The following ZFHX3 variants were observed in gnomAD, a reference collection of about 807,000 sequenced individuals.
The protein encoded by ZFHX3 is zinc finger homeobox protein 3.
In ZFHX3, 42 loss-of-function variants were observed where a neutral mutation model predicts 279.1. That is an observed-to-expected ratio of 0.15 (90% CI 0.12 to 0.19). The LOEUF (loss-of-function observed/expected upper bound fraction) is 0.19, where lower values mean the gene tolerates loss of function less well. ZFHX3 is among the 10% of genes least tolerant of loss of function. The pLI is 1.00. For missense variants in ZFHX3, 4,981 were observed against 4,754.0 expected (o/e 1.05, Z -1.40); for synonymous variants, 2,293 against 1,957.8 (o/e 1.17, Z -4.52).
chr16:73,666,063 A>T (rs2052839357), intron 2 of ZFHX3, among the ~76,000 whole-genome samples: 1 of 151,456 alleles, frequency 6.6e-6, no homozygotes, highest in Non-Finnish European at 1.5e-5. Context: ...CGATCCACCC[A>T]CCTCAGCCTC....
chr16:73,838,266 T>C (rs1961198512), intron 1 of ZFHX3, among the ~76,000 whole-genome samples: 2 of 152,200 alleles, frequency 1.3e-5, no homozygotes, highest in African/African-American at 4.8e-5. Context: ...GTAGCCAACA[T>C]ATACCTTAAC....
chr16:73,580,346 C>T (rs1022669607), intron 2 of ZFHX3, among the ~76,000 whole-genome samples: 12 of 151,872 alleles, frequency 7.9e-5, no homozygotes, highest in Admixed American at 2.6e-4. Flanking sequence ...GGTGCGGCGG[C>T]GCACGCCTGT....
At chr16:73,350,966 C>T (rs947328222) in intron 3 of ZFHX3, among the ~76,000 whole-genome samples, 8 of 152,176 alleles carry the variant, frequency 5.3e-5, no homozygotes, top group Non-Finnish European at 7.3e-5. Context: ...ACCCATGCAC[C>T]GGTCCAACCA....
At chr16:73,537,538 G>C (rs2019926819) in intron 2 of ZFHX3, among the ~76,000 whole-genome samples, 1 of 152,026 alleles carries the variant, frequency 6.6e-6, no homozygotes, top group African/African-American at 2.4e-5. Context: ...GGATGGTCTT[G>C]ATCTTCTGAC....
intron 3 of ZFHX3, among the ~76,000 whole-genome samples, chr16:73,343,272 G>T (rs996888167): frequency 6.6e-6 from 1 of 151,358 alleles, no homozygotes; most frequent in Non-Finnish European, 1.5e-5. Context: ...AAAGAGTCTT[G>T]AATTAATGAT....
intron 1 of ZFHX3, among the ~76,000 whole-genome samples, chr16:73,835,487 T>TTTTTGGTGGG (rs1961120111): frequency 7.0e-6 from 1 of 143,202 alleles, no homozygotes; most frequent in Non-Finnish European, 1.5e-5. Context: ...TTTTTTTTTT[T>TTTTTGGTGGG]GAGATGGAGT....
chr16:73,791,951 T>C (rs1185683620), intron 1 of ZFHX3, among the ~76,000 whole-genome samples: 3 of 152,192 alleles, frequency 2.0e-5, no homozygotes, highest in Non-Finnish European at 4.4e-5. Context: ...TGATTCGTAG[T>C]TTACAGATGG....
intron 1 of ZFHX3, among the ~76,000 whole-genome samples, chr16:73,752,471 C>G (rs1176781310): frequency 1.3e-5 from 2 of 152,140 alleles, no homozygotes; most frequent in African/African-American, 2.4e-5. Context: ...CATACTCTGT[C>G]TCTGTTTACT....
chr16:73,733,730 T>C (rs905124323), intron 1 of ZFHX3, among the ~76,000 whole-genome samples: 6 of 152,176 alleles, frequency 3.9e-5, no homozygotes, highest in Non-Finnish European at 8.8e-5. Context: ...AAAGCTTTAA[T>C]TAAGTCCTCA....
chr16:73,245,300 C>T (rs1489118654), intron 5 of ZFHX3, among the ~76,000 whole-genome samples: 3 of 152,128 alleles, frequency 2.0e-5, no homozygotes, highest in Non-Finnish European at 2.9e-5. Flanking sequence ...AATACAGTCT[C>T]GCTCTGTCAC....
At chr16:72,924,115 G>T (rs1002269269) in intron 3 of ZFHX3, among the ~76,000 whole-genome samples, 1 of 152,156 alleles carries the variant, frequency 6.6e-6, no homozygotes, top group Non-Finnish European at 1.5e-5. Context: ...ATCAAGGAGA[G>T]GCTCACATTT....
At chr16:72,993,520 T>C (rs1414304166) in intron 1 of ZFHX3, among the ~76,000 whole-genome samples, 1 of 152,052 alleles carries the variant, frequency 6.6e-6, no homozygotes, top group African/African-American at 2.4e-5. Context: ...TACCTAAAAC[T>C]GCACAAAAAA....
chr16:72,979,718 A>G (rs1304231891), intron 1 of ZFHX3, among the ~76,000 whole-genome samples: 1 of 152,220 alleles, frequency 6.6e-6, no homozygotes, highest in Non-Finnish European at 1.5e-5. Context: ...ACAATATACA[A>G]TACAACATCA....
chr16:73,246,512 G>C (rs745764781), intron 5 of ZFHX3, among the ~76,000 whole-genome samples: 2 of 152,178 alleles, frequency 1.3e-5, no homozygotes, highest in Admixed American at 1.3e-4. Context: ...TGCTGGGTGG[G>C]CCAGGCTTTT....
At chr16:73,122,129 C>G (rs1258940084) in intron 7 of ZFHX3, among the ~76,000 whole-genome samples, 1 of 152,024 alleles carries the variant, frequency 6.6e-6, no homozygotes, top group East Asian at 1.9e-4. Context: ...TGGTAGGTAC[C>G]CTATCCATAC....
chr16:72,806,636 C>A (rs2036275195), intron 7 of ZFHX3, among the ~76,000 whole-genome samples: 1 of 152,060 alleles, frequency 6.6e-6, no homozygotes, highest in Non-Finnish European at 1.5e-5. Flanking sequence ...CCTAGAGCCC[C>A]AGATAACCAG....
intron 3 of ZFHX3, among the ~76,000 whole-genome samples, chr16:73,334,309 C>T (rs187908533): frequency 1.3e-5 from 2 of 152,024 alleles, no homozygotes; most frequent in East Asian, 1.9e-4. Context: ...GCCATTTTCA[C>T]GGAGGTAGGC....
chr16:73,280,288 G>C (rs1176154732), intron 4 of ZFHX3, among the ~76,000 whole-genome samples: 2 of 152,080 alleles, frequency 1.3e-5, no homozygotes, highest in Non-Finnish European at 2.9e-5. Flanking sequence ...GCACAGTAAA[G>C]GAAACAATCA....
At chr16:73,687,167 T>C (rs139910071) in intron 1 of ZFHX3, among the ~76,000 whole-genome samples, 3,748 of 148,284 alleles carry the variant, frequency 0.025, 55 homozygotes, top group Non-Finnish European at 0.039. Context: ...GGTGGGCAGA[T>C]TGCTTGAGCT....
Sources: allele counts gnomAD v4.1 joint callset (sites outside exome capture counted in the v4.1 genomes callset), GRCh38; gene constraint gnomAD v4.1.1; transcripts MANE v1.5; gene names NCBI Gene and HGNC (gene_info 2026-07-23, HGNC 2026-07-21).